Variants in AARS1 observed in about 807,000 individuals in gnomAD.
AARS1 encodes alanine--tRNA ligase, cytoplasmic.
Under a neutral mutation model 108.9 loss-of-function variants are expected in AARS1, and 72 were observed. That is an observed-to-expected ratio of 0.66 (90% CI 0.55 to 0.80). AARS1 has a LOEUF of 0.80. AARS1 is among the 30% of genes least tolerant of loss of function. AARS1 has a pLI of 0.00. For missense variants in AARS1, 1,193 were observed against 1,233.2 expected, an observed-to-expected ratio of 0.97 and a Z score of 0.49; for synonymous variants, 489 against 465.7, an observed-to-expected ratio of 1.05 and a Z score of -0.64.
At chr16:70,284,019 C>T (rs1333954866) in intron 1 of AARS1, among the ~76,000 whole-genome samples, 1 of 151,514 alleles carries the variant, frequency 6.6e-6, no homozygotes, top group African/African-American at 2.4e-5. Context: ...TGAGACCACC[C>T]TGGGCAACAT....
intron 11 of AARS1, among the ~76,000 whole-genome samples, chr16:70,263,646 T>A (rs1960198306): frequency 6.6e-6 from 1 of 152,190 alleles, no homozygotes; most frequent in African/African-American, 2.4e-5. Flanking sequence ...ATTTTTATGT[T>A]TTTTTTGAGA....
chr16:70,273,729 G>C (rs2152164688), intron 4 of AARS1, among the ~76,000 whole-genome samples: 1 of 152,026 alleles, frequency 6.6e-6, no homozygotes, highest in African/African-American at 2.4e-5. Flanking sequence ...CGGGCGTGGT[G>C]GTGGGCGCCT....
chr16:70,284,015 C>A (rs1176870530), intron 1 of AARS1, among the ~76,000 whole-genome samples: 1 of 151,112 alleles, frequency 6.6e-6, no homozygotes, highest in Non-Finnish European at 1.5e-5. Context: ...AGTTTGAGAC[C>A]ACCCTGGGCA....
In AARS1 at chr16:70,272,204, A is replaced by T. The variant is rs569161560; in HGVS notation, c.480-232T>A. Reference sequence around the variant, plus strand: ...CAGCAAGTACTAATGCTAAGCCTGCACATTAAACCTGCTAAAGAAGCTGGG... The same window carrying T: ...CAGCAAGTACTAATGCTAAGCCTGCTCATTAAACCTGCTAAAGAAGCTGGG... On this transcript the variant is annotated intron_variant, in intron 4 of 20. Transcript: ENST00000261772. 4.6e-5 allele frequency among the ~76,000 whole-genome samples: 7 copies of T among 152,260 alleles called. No individual in the cohort carries two copies. The South Asian group carries it at 1.2e-3, about 27-fold the overall frequency.
At chr16:70,273,563 C>T (rs1009898113) in intron 4 of AARS1, among the ~76,000 whole-genome samples, 1 of 151,954 alleles carries the variant, frequency 6.6e-6, no homozygotes, top group African/African-American at 2.4e-5. Context: ...ACAAAAAATA[C>T]AAAAATTAGC....
intron 1 of AARS1, among the ~76,000 whole-genome samples, chr16:70,283,909 T>C (rs910482568): frequency 6.6e-6 from 1 of 152,178 alleles, no homozygotes; most frequent in Admixed American, 6.6e-5. Context: ...AAAAACTTTA[T>C]GACTTCAAAG....
chr16:70,285,270 A>G (rs979603201), intron 1 of AARS1, among the ~76,000 whole-genome samples: 5 of 151,686 alleles, frequency 3.3e-5, no homozygotes, highest in Non-Finnish European at 7.4e-5. Context: ...CAGAATGGAT[A>G]ATATTACTTT....
chr16:70,275,973 C>CGG (rs1478811171), intron 4 of AARS1: 2 of 131,504 alleles, frequency 1.5e-5, no homozygotes, highest in Non-Finnish European at 3.1e-5. Flanking sequence ...CATATGAATG[C>CGG]GGCCGGGCAC....
At chr16:70,253,557 G>A in intron 19 of AARS1, 157 bp downstream of exon 19, 1 of 1,058,396 alleles carries the variant, frequency 9.4e-7, no homozygotes, top group Non-Finnish European at 1.4e-6. Flanking sequence ...CCTGGCCCAG[G>A]TATGCCTCCC....
chr16:70,286,319 T>C (rs932438774), intron 1 of AARS1, among the ~76,000 whole-genome samples: 8 of 151,916 alleles, frequency 5.3e-5, no homozygotes, highest in Admixed American at 3.9e-4. Flanking sequence ...GTAAAGGTCT[T>C]GGGTGCCTTA....
chr16:70,267,652 T>A lies in AARS1; in HGVS notation c.1222+7A>T, dbSNP rs200591546. The A allele has an allele frequency of 3.0e-5, 48 of 1,614,046 alleles. No homozygotes were observed. In the African/African-American group the frequency reaches 4.5e-4, roughly 15 times the overall value. Reference sequence around the variant, plus strand: ...CAGGATGGAGAAGGGCAAAAACTGGTACCTACCGGGAATGGTCTTGCTGTC... The same window carrying A: ...CAGGATGGAGAAGGGCAAAAACTGGAACCTACCGGGAATGGTCTTGCTGTC... On this transcript the variant is annotated splice_region_variant and intron_variant, in intron 9 of 20. Coordinates refer to ENST00000261772, the MANE Select transcript of AARS1 (RefSeq NM_001605.3).
At position 70,289,294 on chromosome 16, in the gene AARS1, C is replaced by T. The variant is rs111461416; in HGVS notation, c.-22+127G>A. ...CACACTGTCCAGCTCCCGCTCCAGC[C>T]CAGACTGGGCTTCTCCAGGCCACGC... is the stretch of plus-strand genomic sequence containing the variant. On this transcript the variant is annotated intron_variant, in intron 1 of 20. Coordinates refer to ENST00000261772, the MANE Select transcript of AARS1 (RefSeq NM_001605.3). 4,525 of 345,474 alleles carry T rather than the reference C, an allele frequency of 0.013. 54 individuals carry two copies. The highest frequency in any genetic ancestry group is 0.021 in the South Asian group (969 of 46,228). The allele number at this position is 345,474 out of a possible 1,614,324, so 21.4% of individuals were successfully genotyped here.
At chr16:70,287,242 GAGACTCCGTCTCAAAAAAAAAAAAAA>G (rs1181248345) in intron 1 of AARS1, among the ~76,000 whole-genome samples, 1 of 99,818 alleles carries the variant, frequency 1.0e-5, no homozygotes, top group African/African-American at 3.7e-5. Context: ...GCGACAGAGC[GAGACTCCGTCTCAAAAAAAAAAAAAA>G]AAAAAAAAAA....
At position 70,252,704 on chromosome 16, in the gene AARS1, GCCT is replaced by G; in HGVS notation, c.*14_*16del. ...GGCTGGACGGATGGATCCAGTGGGA[GCCT>G]CCTCCTTCCCCACTCAGTTCTTTAC... On this transcript the variant is annotated 3_prime_UTR_variant, in exon 21 of 21. Transcript: ENST00000261772. 1 of 1,613,166 alleles carries G rather than the reference GCCT, an allele frequency of 6.2e-7. No individual in the cohort carries two copies. The highest frequency in any genetic ancestry group is 1.1e-5 in the South Asian group (1 of 91,006).
intron 2 of AARS1, among the ~76,000 whole-genome samples, chr16:70,279,678 A>AAC (rs1459494641): frequency 7.9e-5 from 12 of 151,162 alleles, no homozygotes; most frequent in East Asian, 1.9e-4. Flanking sequence ...AACAAAAAAA[A>AAC]AAAAAAAAAG....
At chr16:70,255,482 G>C (rs1319610427) in intron 16 of AARS1, among the ~76,000 whole-genome samples, 1 of 152,152 alleles carries the variant, frequency 6.6e-6, no homozygotes, top group South Asian at 2.1e-4. Flanking sequence ...ACAGGCGTGA[G>C]CCACTGCGTC....
chr16:70,270,478 G>T (rs1960371887), intron 5 of AARS1, 138 bp from the exon 6 acceptor site: 6 of 990,760 alleles, frequency 6.1e-6, no homozygotes, highest in Non-Finnish European at 9.4e-6. Context: ...GTGGGAAGAG[G>T]GAAGTGGAGG....
Position 70,271,961 on chromosome 16 carries a change from G to A in AARS1, c.491C>T (p.Thr164Ile), listed in dbSNP as rs1273691912. ...CTTCATGTTGCCTGGGAGGATTTTG[G>A]TGTCATCCAGCCTGACAAAGGAGTA... ...QIWQNLGLDD[T>I]KILPGNMKDN... Residue 164 changes from threonine (T) to isoleucine (I), a missense_variant, in exon 5 of 21, where the codon ACC (threonine) becomes ATC (isoleucine). Transcript: ENST00000261772. 1 of 1,613,554 alleles carries A rather than the reference G, an allele frequency of 6.2e-7. No homozygotes were observed. Among genetic ancestry groups the A allele is most frequent in the Non-Finnish European group, 8.5e-7 (1 of 1,179,746 alleles).
chr16:70,280,554 G>C (rs2152169178), intron 2 of AARS1, among the ~76,000 whole-genome samples: 1 of 152,256 alleles, frequency 6.6e-6, no homozygotes, highest in Middle Eastern at 3.4e-3. Context: ...AGACACCTAA[G>C]AGAAAAGAAA....
Sources: allele counts gnomAD v4.1 joint callset (sites outside exome capture counted in the v4.1 genomes callset), GRCh38; gene constraint gnomAD v4.1.1; transcripts MANE v1.5; gene names NCBI Gene and HGNC (gene_info 2026-07-23, HGNC 2026-07-21).